NUMA1: variants seen among roughly 807,000 people sequenced by gnomAD.
The protein encoded by NUMA1 is SP-H antigen.
Under a neutral mutation model 237.1 loss-of-function variants are expected in NUMA1, and 62 were observed. The observed-to-expected ratio is 0.26, with a 90% CI of 0.21 to 0.32. The LOEUF (loss-of-function observed/expected upper bound fraction) is 0.32, where lower values mean the gene tolerates loss of function less well. NUMA1 is among the 10% of genes least tolerant of loss of function. The probability of loss-of-function intolerance (pLI) is 1.00; values close to 1 mark genes in which losing one functional copy is unlikely to be tolerated. For synonymous variants in NUMA1, 1,028 were observed against 1,066.1 expected (o/e 0.96, Z 0.70); for missense variants, 2,533 against 2,666.5 (o/e 0.95, Z 1.10).
Position 72,003,187 on chromosome 11 carries a change from A to T in NUMA1, c.*340T>A. On this transcript the variant is annotated 3_prime_UTR_variant, in exon 27 of 27. Coordinates refer to ENST00000393695, the MANE Select transcript of NUMA1 (RefSeq NM_006185.4). ...TCCTCTTATGGTCCCTTCTAGATCC[A>T]GAGGCTAAGAGGAAGACTGGCCAGG... 2.6e-6 allele frequency: 1 copy of T among 388,956 alleles called. No individual in the cohort carries two copies. The highest frequency in any genetic ancestry group is 4.0e-5 in the Admixed American group (1 of 25,118). The allele number at this position is 388,956 out of a possible 1,614,324, so 24.1% of individuals were successfully genotyped here. A position where few individuals can be genotyped will look rare whatever the true frequency, so the allele number is the denominator to read the frequency against.
Position 72,003,398 on chromosome 11 carries a change from A to G in NUMA1, c.*129T>C, listed in dbSNP as rs5743680. On this transcript the variant is annotated 3_prime_UTR_variant, in exon 27 of 27. Coordinates refer to ENST00000393695, the MANE Select transcript of NUMA1 (RefSeq NM_006185.4). ...CCAGGCCAGGGTGCGGGCAGGCATCACTGTCTCTAGGGGTTTGGCTACTGT... is the reference window on the plus strand; with the variant it reads ...CCAGGCCAGGGTGCGGGCAGGCATCGCTGTCTCTAGGGGTTTGGCTACTGT... 4.7e-3 allele frequency: 4,244 copies of G among 909,532 alleles called. 104 individuals are homozygous for G. The African/African-American group carries it at 0.061, about 13-fold the overall frequency. 56.3% of individuals were successfully genotyped at this position (909,532 alleles called of 1,614,324 possible).
chr11:72,016,559 G>A, intron 13 of NUMA1, 29 bp from the exon 14 acceptor site: 1 of 1,608,832 alleles, frequency 6.2e-7, no homozygotes, highest in African/African-American at 1.3e-5. Flanking sequence ...CATGTGAACA[G>A]AGAGGGGGAA....
chr11:72,047,839 GTTTA>G (rs936198582), intron 2 of NUMA1: 3 of 152,078 alleles, frequency 2.0e-5, no homozygotes. Flanking sequence ...GGGCAGTTTT[GTTTA>G]TTTTACTTTA....
At position 72,007,247 on chromosome 11, in the gene NUMA1, C is replaced by T. The variant is rs146335857; in HGVS notation, c.5405G>A (p.Arg1802His). The stretch of plus-strand genomic sequence containing the variant: ...GCGCCGACGAGCGGAGCGGGTCTTA[C>T]GACCCGAGTCCAGGAAGACGTCTCC... ...SLGDVFLDSG[R>H]KTRSARRRTT... Residue 1802 changes from arginine to histidine, a missense_variant, in exon 21 of 27, where the codon CGT becomes CAT. By Grantham distance (29) the Arg-to-His change is conservative (BLOSUM62 0). This residue lies in a region of NUMA1 where 795 missense variants were observed against 750.8 expected (regional missense o/e 1.06). Transcript: ENST00000393695. The T allele has an allele frequency of 2.5e-5, 41 of 1,612,724 alleles. No individual in the cohort carries two copies. Among genetic ancestry groups the T allele is most frequent in the African/African-American group, 2.0e-4 (15 of 74,990 alleles).
intron 2 of NUMA1, chr11:72,040,920 G>C (rs1159619094): frequency 6.6e-6 from 1 of 152,080 alleles, no homozygotes; most frequent in African/African-American, 2.4e-5. Context: ...CCCAGAGAAA[G>C]AGTGAGGGAG....
chr11:72,035,625 G>T (rs1397344717), intron 3 of NUMA1, among the ~76,000 whole-genome samples: 1 of 151,958 alleles, frequency 6.6e-6, no homozygotes, highest in African/African-American at 2.4e-5. Flanking sequence ...TGGCCAGGCT[G>T]GTCTCGAACT....
At chr11:72,073,068 A>AAAAAAAAAAAAAAAAAT (rs1943537324) in intron 1 of NUMA1, among the ~76,000 whole-genome samples, 1 of 145,712 alleles carries the variant, frequency 6.9e-6, no homozygotes, top group African/African-American at 2.6e-5. Flanking sequence ...AAAAAAAAAA[A>AAAAAAAAAAAAAAAAAT]GCTGCCTAGG....
At chr11:72,008,533 C>A in intron 20 of NUMA1, 155 bp downstream of exon 20, 1 of 827,680 alleles carries the variant, frequency 1.2e-6, no homozygotes. Context: ...TTTATTCCAA[C>A]TGTGCCCTAA....
In NUMA1 at chr11:72,033,364, G is replaced by GTT. The variant is rs58353057; in HGVS notation, c.42+2536_42+2537dup. On this transcript the variant is annotated intron_variant, in intron 3 of 26. Coordinates refer to ENST00000393695, the MANE Select transcript of NUMA1 (RefSeq NM_006185.4). The stretch of plus-strand genomic sequence containing the variant: ...TTTAACATTTTCATGCATGTTCTTT[G>GTT]TTTTTTTTTTTTTTTTTTTTTTTTT... Among the ~76,000 whole-genome samples the GTT allele has an allele frequency of 4.1e-5, 6 of 144,704 alleles. No homozygotes were observed. The South Asian group carries it at 8.6e-4, about 21-fold the overall frequency. The allele number at this position is 144,704 out of a possible 152,430, so 94.9% of individuals were successfully genotyped here.
intron 2 of NUMA1, chr11:72,067,293 C>T (rs2136234650): frequency 6.6e-6 from 1 of 152,342 alleles, no homozygotes; most frequent in East Asian, 1.9e-4. Flanking sequence ...CCAACTGGTA[C>T]ACAAGGCTTT....
rs1230505333 is a variant in NUMA1, at chr11:72,016,465, G to A, written c.1185C>T (p.Ser395=). The change falls in exon 14 of 27, where the codon TCC becomes TCT. Residue 395 remains serine, a synonymous_variant. Coordinates refer to ENST00000393695, the MANE Select transcript of NUMA1 (RefSeq NM_006185.4). The part of the protein sequence containing the change: ...GKLSQLEEHL[S]QLQDNPPQEK... Reference sequence around the variant, plus strand: ...CCTGGGGTGGGTTATCCTGCAGCTGGGACAAGTGTTCTTCCAGCTGTGAAA... The same window carrying A: ...CCTGGGGTGGGTTATCCTGCAGCTGAGACAAGTGTTCTTCCAGCTGTGAAA... The A allele has an allele frequency of 1.2e-6, 2 of 1,614,072 alleles. No individual in the cohort carries two copies. Among genetic ancestry groups the A allele is most frequent in the Admixed American group, 3.3e-5 (2 of 60,024 alleles).
At position 72,007,355 on chromosome 11, in the gene NUMA1, T is replaced by C. The variant is rs746618271; in HGVS notation, c.5297A>G (p.Lys1766Arg). The C allele has an allele frequency of 5.0e-6, 8 of 1,613,672 alleles. No individual in the cohort carries two copies. In the Admixed American group the frequency reaches 8.3e-5, roughly 17 times the overall value. The stretch of plus-strand genomic sequence containing the variant: ...GTAGAGACTCTCCAGGGATTCTACC[T>C]TGGGGGGCAGGCGCTGGGAGATAGG... ...ASPISQRLPP[K>R]VESLESLYFT... Residue 1766 changes from lysine (K) to arginine (R), a missense_variant, in exon 21 of 27, where the codon AAG (lysine) becomes AGG (arginine). By Grantham distance (26) the Lys-to-Arg change is conservative (BLOSUM62 2). Around this residue, in one of 3 missense-constraint regions of NUMA1, gnomAD observed 795 missense variants for 750.8 expected, o/e 1.06. Coordinates refer to ENST00000393695, the MANE Select transcript of NUMA1 (RefSeq NM_006185.4).
At chr11:72,017,375 A>C (rs1937988755) in intron 13 of NUMA1, 1 of 413,958 alleles carries the variant, frequency 2.4e-6, no homozygotes, top group African/African-American at 2.0e-5. Context: ...ACTCGTTACT[A>C]CTCCCATTTT....
chr11:72,004,277 T>C lies in NUMA1; in HGVS notation c.6071A>G (p.Lys2024Arg). The change falls in exon 25 of 27, where the codon AAA (lysine) becomes AGA (arginine). Residue 2024 changes from lysine to arginine, a missense_variant. Physicochemically the swap from Lys to Arg is conservative, Grantham distance 26. Around this residue, in one of 3 missense-constraint regions of NUMA1, gnomAD observed 795 missense variants for 750.8 expected, o/e 1.06. Coordinates refer to ENST00000393695, the MANE Select transcript of NUMA1 (RefSeq NM_006185.4). ...CTTCTGGGCCTCAGTAGTGCTCTGT[T>C]TGCGCCCTTCATGTCGGTCTCGGGG... ...MTPRDRHEGR[K>R]QSTTEAQKKA... The C allele has an allele frequency of 1.2e-6, 2 of 1,613,528 alleles. No homozygotes were observed. Among genetic ancestry groups the C allele is most frequent in the Admixed American group, 1.7e-5 (1 of 59,742 alleles).
In NUMA1 at chr11:72,016,173, C is replaced by T. The variant is rs759464536; in HGVS notation, c.1330G>A (p.Gly444Ser). 2 of 1,613,710 alleles carry T rather than the reference C, an allele frequency of 1.2e-6. No homozygotes were observed. Among genetic ancestry groups the T allele is most frequent in the East Asian group, 2.2e-5 (1 of 44,878 alleles). The change falls in exon 15 of 27, where the codon GGC becomes AGC. Residue 444 changes from glycine (G) to serine (S), a missense_variant. By Grantham distance (56) the Gly-to-Ser change is moderately conservative (BLOSUM62 0). Transcript: ENST00000393695. ...ARVEMLETER[G>S]QQEAKLLAER... ...GCAAGCAGCTTGGCTTCCTGCTGGC[C>T]TCGCTCAGTCTCCAGCATCTCTACC...
Position 72,009,354 on chromosome 11 carries a change from C to T in NUMA1, c.4753G>A (p.Glu1585Lys). 1.2e-6 allele frequency: 2 copies of T among 1,612,110 alleles called. No individual in the cohort carries two copies. Among genetic ancestry groups the T allele is most frequent in the Non-Finnish European group, 1.7e-6 (2 of 1,179,896 alleles). The change falls in exon 18 of 27, where the codon GAG becomes AAG. Residue 1585 changes from glutamate (E) to lysine (K), a missense_variant. By Grantham distance (56) the Glu-to-Lys change is moderately conservative. Transcript: ENST00000393695. ...VQAQGGESQQ[E>K]AQRLQAQLNE... ...AGCTGGGCCTGGAGGCGCTGGGCCT[C>T]CTGCTGGCTCTCGCCTCCCTGAGCC... is the stretch of plus-strand genomic sequence containing the variant.
intron 2 of NUMA1, among the ~76,000 whole-genome samples, chr11:72,055,629 G>T (rs1942592836): frequency 6.6e-6 from 1 of 152,164 alleles, no homozygotes; most frequent in Non-Finnish European, 1.5e-5. Context: ...CTTGTGGAAA[G>T]TCCTTGAGCT....
At chr11:72,024,627 G>A (rs1285503989) in intron 4 of NUMA1, 1 of 456,204 alleles carries the variant, frequency 2.2e-6, no homozygotes, top group African/African-American at 2.0e-5. Flanking sequence ...AAAGCTCTGT[G>A]GAAAGGGGCC....
At chr11:72,009,982 G>A (rs1956036786) in intron 17 of NUMA1, among the ~76,000 whole-genome samples, 1 of 152,172 alleles carries the variant, frequency 6.6e-6, no homozygotes, top group African/African-American at 2.4e-5. Context: ...TTAAGAGCAG[G>A]GCCTGATTCT....
Sources: allele counts gnomAD v4.1 joint callset (sites outside exome capture counted in the v4.1 genomes callset), GRCh38; gene constraint gnomAD v4.1.1; regional missense constraint gnomAD v4.1.1; transcripts MANE v1.5; gene names NCBI Gene and HGNC (gene_info 2026-07-23, HGNC 2026-07-21).